The following NLRP4 variants were observed in gnomAD, a reference collection of about 807,000 sequenced individuals.
NLRP4 encodes the protein NACHT, LRR and PYD domains-containing protein 4.
NLRP4 carries 44 observed loss-of-function variants against 84.7 expected under a neutral mutation model. That is an observed-to-expected ratio of 0.52 (90% confidence interval 0.41 to 0.67). The LOEUF is 0.67. Ranked by LOEUF, NLRP4 falls within the 30% of genes least tolerant of loss-of-function variation. The pLI, the probability that NLRP4 is intolerant of heterozygous loss-of-function variation, is 0.00. For synonymous variants in NLRP4, 544 were observed against 476.4 expected, an observed-to-expected ratio of 1.14 and a Z score of -1.85; for missense variants, 1,260 against 1,219.4, an observed-to-expected ratio of 1.03 and a Z score of -0.50.
chr19:55,879,204 C>T (rs1985494297), intron 9 of NLRP4, among the ~76,000 whole-genome samples: 1 of 151,964 alleles, frequency 6.6e-6, no homozygotes, highest in Admixed American at 6.6e-5. Flanking sequence ...GGGGTAACAC[C>T]CGAGGTTCAT....
chr19:55,853,689 C>T (rs543554879), intron 2 of NLRP4, among the ~76,000 whole-genome samples: 12 of 152,134 alleles, frequency 7.9e-5, no homozygotes, highest in Non-Finnish European at 1.3e-4. Context: ...GGATTACAGG[C>T]CTGAGCCACC....
intron 5 of NLRP4, among the ~76,000 whole-genome samples, chr19:55,865,189 C>T (rs908402602): frequency 6.6e-6 from 1 of 152,084 alleles, no homozygotes; most frequent in Non-Finnish European, 1.5e-5. Context: ...TTCTTCATGT[C>T]TATATGTACT....
intron 1 of NLRP4, among the ~76,000 whole-genome samples, chr19:55,837,607 A>AACACACACCACACACACACACAC (rs1555805877): frequency 3.4e-4 from 51 of 151,578 alleles, no homozygotes; most frequent in Admixed American, 7.2e-4. Context: ...CAACCCTAAA[A>AACACACACCACACACACACACAC]ACACACACAC....
chr19:55,876,433 C>T (rs1985375233), intron 7 of NLRP4, among the ~76,000 whole-genome samples: 1 of 152,192 alleles, frequency 6.6e-6, no homozygotes, highest in Admixed American at 6.5e-5. Context: ...ACTGCAATCT[C>T]TGCTTCCCGA....
rs1568659255 is a variant in NLRP4, at chr19:55,850,728, T to TGCGGTGTAATTC, written c.-65-1288_-65-1287insGCGGTGTAATTC. Among the ~76,000 whole-genome samples the TGCGGTGTAATTC allele has an allele frequency of 2.4e-4, 13 of 53,996 alleles. 1 individual carries two copies. The highest frequency in any genetic ancestry group is 3.6e-4 in the Admixed American group (2 of 5,482). 35.4% of individuals were successfully genotyped at this position (53,996 alleles called of 152,430 possible). A position where few individuals can be genotyped will look rare whatever the true frequency, so the allele number is the denominator to read the frequency against. On this transcript the variant is annotated intron_variant, in intron 1 of 9. Coordinates refer to ENST00000301295, the MANE Select transcript of NLRP4 (RefSeq NM_134444.5). ...TACTTCCCGAGGCTGCGGTGTACTTTCCGAGGCTGCGGTGTACTTCCCGAG... is the reference window on the plus strand; with the variant it reads ...TACTTCCCGAGGCTGCGGTGTACTTTGCGGTGTAATTCCCGAGGCTGCGGTGTACTTCCCGAG...
At chr19:55,870,748 C>A in intron 6 of NLRP4, 79 bp from the exon 7 acceptor site, 1 of 993,240 alleles carries the variant, frequency 1.0e-6, no homozygotes, top group Non-Finnish European at 1.6e-6. Context: ...GAAATATTAC[C>A]CTGAATGTGA....
Position 55,861,564 on chromosome 19 carries a change from C to G in NLRP4, c.2018+17C>G. The stretch of plus-strand genomic sequence containing the variant: ...GAAGCTTGGGTGAGTTGAGAATCGA[C>G]TTCGACTCGAGTATGTCACGGAGAT... On this transcript the variant is annotated intron_variant, in intron 4 of 9. Transcript: ENST00000301295. 1 of 1,611,026 alleles carries G rather than the reference C, an allele frequency of 6.2e-7. No individual in the cohort carries two copies. Among genetic ancestry groups the G allele is most frequent in the Non-Finnish European group, 8.5e-7 (1 of 1,177,734 alleles).
intron 1 of NLRP4, among the ~76,000 whole-genome samples, chr19:55,838,641 C>T (rs942667659): frequency 2.0e-5 from 3 of 152,024 alleles, no homozygotes; most frequent in Non-Finnish European, 4.4e-5. Context: ...AAGAATATAT[C>T]CTTAGGATCA....
chr19:55,867,918 G>T, intron 6 of NLRP4, 42 bp downstream of exon 6: 2 of 1,586,646 alleles, frequency 1.3e-6, no homozygotes, highest in Non-Finnish European at 1.7e-6. Flanking sequence ...GGGCCATGGC[G>T]GCAGTTCAAA....
In NLRP4 at chr19:55,856,707, G is replaced by C. The variant is rs530669608; in HGVS notation, c.281-967G>C. On this transcript the variant is annotated intron_variant, in intron 2 of 9. Transcript: ENST00000301295. The stretch of plus-strand genomic sequence containing the variant: ...ATTTTTGTATTTTTAGTAGAGACAG[G>C]GTTTCACCATGTTGGCCAGGATGGT... Among the ~76,000 whole-genome samples, 11 of 151,948 alleles carry C rather than the reference G, an allele frequency of 7.2e-5. No homozygotes were observed. The East Asian group carries it at 2.1e-3, about 30-fold the overall frequency.
Position 55,850,708 on chromosome 19 carries a change from C to T in NLRP4, c.-65-1308C>T, listed in dbSNP as rs1276372824. On this transcript the variant is annotated intron_variant, in intron 1 of 9. Coordinates refer to ENST00000301295, the MANE Select transcript of NLRP4 (RefSeq NM_134444.5). ...TAATGTCCGTGGCTGCGGTGTACTT[C>T]CCGAGGCTGCGGTGTACTTTCCGAG... is the stretch of plus-strand genomic sequence containing the variant. Among the ~76,000 whole-genome samples the T allele has an allele frequency of 1.4e-3, 112 of 78,084 alleles. 12 individuals are homozygous for T. Among genetic ancestry groups the T allele is most frequent in the Middle Eastern group, 0.022 (2 of 92 alleles). 51.2% of individuals were successfully genotyped at this position (78,084 alleles called of 152,430 possible).
intron 1 of NLRP4, among the ~76,000 whole-genome samples, chr19:55,849,307 T>C (rs948772293): frequency 1.3e-5 from 2 of 152,214 alleles, no homozygotes; most frequent in Non-Finnish European, 2.9e-5. Context: ...CGATTGCCAC[T>C]AGGGTATCTG....
intron 5 of NLRP4, among the ~76,000 whole-genome samples, chr19:55,865,696 T>C (rs965615481): frequency 6.6e-6 from 1 of 152,252 alleles, no homozygotes; most frequent in Non-Finnish European, 1.5e-5. Flanking sequence ...GCAGTTTTGA[T>C]ATGCATTTTT....
At chr19:55,859,365 A>G in intron 3 of NLRP4, 116 bp downstream of exon 3, 1 of 806,180 alleles carries the variant, frequency 1.2e-6, no homozygotes, top group Non-Finnish European at 1.9e-6. Flanking sequence ...TTTTTCTGCC[A>G]CAAAACCTCA....
chr19:55,850,684 AATGTCCGT>A (rs1357930984), intron 1 of NLRP4, among the ~76,000 whole-genome samples: 1 of 130,970 alleles, frequency 7.6e-6, no homozygotes, highest in Admixed American at 7.3e-5. Context: ...GCTGCGGTGT[AATGTCCGT>A]GGCTGCGGTG....
chr19:55,875,867 GAAAAA>G (rs56984628), intron 7 of NLRP4, among the ~76,000 whole-genome samples: 1 of 142,266 alleles, frequency 7.0e-6, no homozygotes, highest in African/African-American at 2.6e-5. Context: ...CGTCTCTACT[GAAAAA>G]AAAAAAAATA....
In NLRP4 at chr19:55,867,785, T is replaced by C. The variant is rs200139882; in HGVS notation, c.2263T>C (p.Tyr755His). ...GLLTNNKKLT[Y>H]LNVSCNQLDT... Reference sequence around the variant, plus strand: ...TCTAACCAACAACAAGAAGCTGACGTATCTGAATGTATCCTGCAACCAGTT... The same window carrying C: ...TCTAACCAACAACAAGAAGCTGACGCATCTGAATGTATCCTGCAACCAGTT... The change falls in exon 6 of 10, where the codon TAT (tyrosine) becomes CAT (histidine). Residue 755 changes from tyrosine (Y) to histidine (H), a missense_variant. Tyr to His is a moderately conservative substitution (Grantham distance 83). Transcript: ENST00000301295. The C allele has an allele frequency of 6.2e-7, 1 of 1,614,172 alleles. No homozygotes were observed. Among genetic ancestry groups the C allele is most frequent in the African/African-American group, 1.3e-5 (1 of 75,056 alleles).
chr19:55,845,635 TC>T (rs1349925207), intron 1 of NLRP4, among the ~76,000 whole-genome samples: 1 of 151,878 alleles, frequency 6.6e-6, no homozygotes, highest in Non-Finnish European at 1.5e-5. Context: ...TAGTTTACAG[TC>T]CCACCAACAG....
At chr19:55,871,029 G>C in intron 7 of NLRP4, 32 bp downstream of exon 7, 4 of 1,606,394 alleles carry the variant, frequency 2.5e-6, no homozygotes, top group Non-Finnish European at 3.4e-6. Flanking sequence ...TGAAGACCAA[G>C]CCGTCTTTTC....
Sources: allele counts gnomAD v4.1 joint callset (sites outside exome capture counted in the v4.1 genomes callset), GRCh38; gene constraint gnomAD v4.1.1; transcripts MANE v1.5; gene names NCBI Gene and HGNC (gene_info 2026-07-23, HGNC 2026-07-21).